The following AAMDC variants were observed in gnomAD, a reference collection of about 807,000 sequenced individuals.
The protein encoded by AAMDC is adipogenesis associated Mth938 domain containing.
A neutral mutation model predicts 15.5 loss-of-function variants in AAMDC; 16 were observed. The observed-to-expected ratio is 1.03, with a 90% CI of 0.70 to 1.57. The LOEUF (loss-of-function observed/expected upper bound fraction) is 1.57. AAMDC is among the 40% of genes most tolerant of loss of function. The probability of loss-of-function intolerance (pLI) is 0.00; values close to 1 mark genes in which losing one functional copy is unlikely to be tolerated. For missense variants in AAMDC, 141 were observed against 144.9 expected, an observed-to-expected ratio of 0.97 and a Z score of 0.14; for synonymous variants, 51 against 51.6, an observed-to-expected ratio of 0.99 and a Z score of 0.05.
chr11:77,829,568 G>A (rs1949327344), intron 1 of AAMDC: 1 of 152,184 alleles, frequency 6.6e-6, no homozygotes, highest in Admixed American at 6.5e-5. Flanking sequence ...AGAAAAGAAT[G>A]AAGTTGAACC....
intron 2 of AAMDC, chr11:77,851,219 C>T (rs1401162918): frequency 6.6e-6 from 1 of 152,238 alleles, no homozygotes; most frequent in Non-Finnish European, 1.5e-5. Context: ...TCCCAAAGTG[C>T]TGGGATTACA....
chr11:77,833,009 A>ATATT (rs372585188), intron 1 of AAMDC, among the ~76,000 whole-genome samples: 2 of 60,034 alleles, frequency 3.3e-5, no homozygotes, highest in African/African-American at 7.0e-5. Context: ...ATATATATAT[A>ATATT]TTTTTTTTTT....
chr11:77,821,984 T>A (rs927199297), intron 1 of AAMDC, among the ~76,000 whole-genome samples: 1 of 152,122 alleles, frequency 6.6e-6, no homozygotes, highest in African/African-American at 2.4e-5. Context: ...GTAAAGTGAT[T>A]AGCACAGTGC....
chr11:77,869,318 T>C (rs866125106), intron 2 of AAMDC: 16 of 163,148 alleles, frequency 9.8e-5, no homozygotes, highest in Non-Finnish European at 1.0e-4. Context: ...TTTTCTTTTT[T>C]TTTTTTTTTT....
chr11:77,849,926 G>A (rs754718387), intron 2 of AAMDC, among the ~76,000 whole-genome samples: 1 of 152,090 alleles, frequency 6.6e-6, no homozygotes, highest in Non-Finnish European at 1.5e-5. Flanking sequence ...AATACTCTGT[G>A]CCTCTATTAT....
downstream of AAMDC, chr11:77,872,368 C>A (rs778498206): frequency 3.4e-5 from 53 of 1,550,390 alleles, no homozygotes; most frequent in Non-Finnish European, 4.4e-5. Context: ...GTGACTGTCA[C>A]TCACCATTCT....
At chr11:77,831,596 C>A (rs1418329968) in intron 1 of AAMDC, among the ~76,000 whole-genome samples, 3 of 152,050 alleles carry the variant, frequency 2.0e-5, no homozygotes, top group Non-Finnish European at 4.4e-5. Context: ...TCTACCCTTA[C>A]CTTCTTGATT....
intron 5 of AAMDC, among the ~76,000 whole-genome samples, chr11:77,893,123 G>C (rs55634269): frequency 6.6e-5 from 10 of 152,104 alleles, no homozygotes; most frequent in Non-Finnish European, 1.5e-4. Context: ...GTATTATTCT[G>C]CCAGCATACC....
chr11:77,876,927 T>G, downstream of AAMDC: 1 of 702,378 alleles, frequency 1.4e-6, no homozygotes, highest in South Asian at 1.5e-5. Flanking sequence ...GCAGCAGCCA[T>G]GGTTCTTCAT....
downstream of AAMDC, among the ~76,000 whole-genome samples, chr11:77,873,891 C>T (rs1951524655): frequency 6.6e-6 from 1 of 152,144 alleles, no homozygotes; most frequent in Non-Finnish European, 1.5e-5. Context: ...AAAATCGCTC[C>T]ACCCCAGCCA....
At chr11:77,864,470 T>C (rs1951021954) in intron 2 of AAMDC, among the ~76,000 whole-genome samples, 3 of 152,032 alleles carry the variant, frequency 2.0e-5, no homozygotes, top group South Asian at 4.1e-4. Flanking sequence ...AAGAACATAG[T>C]GGTTATTCTT....
At chr11:77,877,313 C>G (rs1186619235), downstream of AAMDC, among the ~76,000 whole-genome samples, 6 of 152,204 alleles carry the variant, frequency 3.9e-5, no homozygotes, top group Admixed American at 3.9e-4. Flanking sequence ...GTACCTTAAA[C>G]CAAAAGTTAA....
intron 5 of AAMDC, among the ~76,000 whole-genome samples, chr11:77,889,679 T>C (rs1224400481): frequency 6.6e-6 from 1 of 152,214 alleles, no homozygotes; most frequent in African/African-American, 2.4e-5. Flanking sequence ...TATATCTCTA[T>C]TGAGCACCTG....
chr11:77,858,035 C>T (rs1372937794), intron 2 of AAMDC, among the ~76,000 whole-genome samples: 1 of 151,794 alleles, frequency 6.6e-6, no homozygotes, highest in African/African-American at 2.4e-5. Context: ...GGTATTTGTC[C>T]TAATGCTGTC....
At chr11:77,852,504 T>A (rs914276030) in intron 2 of AAMDC, among the ~76,000 whole-genome samples, 7 of 152,012 alleles carry the variant, frequency 4.6e-5, no homozygotes, top group African/African-American at 1.4e-4. Context: ...GATATCCACA[T>A]CCATGATCCA....
intron 1 of AAMDC, among the ~76,000 whole-genome samples, chr11:77,823,837 G>A (rs1949049264): frequency 6.6e-6 from 1 of 151,806 alleles, no homozygotes; most frequent in South Asian, 2.1e-4. Context: ...TGTGAACCTT[G>A]CCTGTACTTT....
intron 2 of AAMDC, among the ~76,000 whole-genome samples, chr11:77,842,850 AACAGTTACC>A (rs2136140105): frequency 6.6e-6 from 1 of 152,348 alleles, no homozygotes; most frequent in African/African-American, 2.4e-5. Flanking sequence ...AAACTTGTAC[AACAGTTACC>A]ACTGTTAGTT....
chr11:77,890,082 T>C (rs541547989), intron 5 of AAMDC, among the ~76,000 whole-genome samples: 1 of 152,346 alleles, frequency 6.6e-6, no homozygotes, highest in African/African-American at 2.4e-5. Context: ...CCTATTCATC[T>C]GTTCTTCTTA....
chr11:77,830,265 A>G (rs1949360238), intron 1 of AAMDC: 1 of 152,248 alleles, frequency 6.6e-6, no homozygotes, highest in Non-Finnish European at 1.5e-5. Context: ...CCAACTAAGC[A>G]TTCCGCTGGA....
Sources: gnomAD v4.1 joint callset for allele counts (sites outside exome capture counted in the v4.1 genomes callset) on GRCh38, gnomAD v4.1.1 for gene constraint, MANE v1.5 for transcripts, NCBI Gene and HGNC (gene_info 2026-07-23, HGNC 2026-07-21) for gene names.